Variants in RELN observed in about 807,000 individuals in gnomAD.
RELN encodes reelin.
In RELN, 108 loss-of-function variants were observed where a neutral mutation model predicts 427.6. The ratio of observed to expected loss-of-function variants is 0.25; its 90% confidence interval spans 0.22 to 0.30. RELN has a LOEUF of 0.30. Ranked by LOEUF, RELN falls within the 10% of genes least tolerant of loss-of-function variation. RELN has a pLI of 1.00. For synonymous variants in RELN, 1,524 were observed against 1,513.4 expected (o/e 1.01, Z -0.16); for missense variants, 3,715 against 4,302.8 (o/e 0.86, Z 3.82).
intron 1 of RELN, among the ~76,000 whole-genome samples, chr7:103,977,402 C>T (rs948116073): frequency 1.3e-5 from 2 of 150,868 alleles, no homozygotes; most frequent in Non-Finnish European, 2.9e-5. Context: ...GCTTCCTGTA[C>T]GAGGAGAGGT....
chr7:103,891,066 A>G (rs1169748554), intron 2 of RELN, among the ~76,000 whole-genome samples: 1 of 152,186 alleles, frequency 6.6e-6, no homozygotes, highest in Non-Finnish European at 1.5e-5. Flanking sequence ...TGAACAACAG[A>G]GCAAGACTCT....
intron 63 of RELN, 169 bp downstream of exon 63, chr7:103,482,704 C>A: frequency 1.1e-6 from 1 of 891,828 alleles, no homozygotes. Context: ...TTTGCTATTT[C>A]ACTGATGATT....
chr7:103,777,064 AT>A (rs1791762649), intron 3 of RELN, among the ~76,000 whole-genome samples: 1 of 152,182 alleles, frequency 6.6e-6, no homozygotes, highest in Non-Finnish European at 1.5e-5. Flanking sequence ...GAGACAGAGA[AT>A]TACATTTTTA....
intron 1 of RELN, among the ~76,000 whole-genome samples, chr7:103,970,656 A>T (rs1028100275): frequency 6.6e-6 from 1 of 152,192 alleles, no homozygotes; most frequent in Non-Finnish European, 1.5e-5. Context: ...TTCAACGTTA[A>T]TGAACCAACA....
chr7:103,646,880 A>T (rs1832808064), intron 16 of RELN, among the ~76,000 whole-genome samples: 1 of 152,092 alleles, frequency 6.6e-6, no homozygotes, highest in African/African-American at 2.4e-5. Context: ...ACAAAATATT[A>T]GCAAACTGAA....
intron 51 of RELN, among the ~76,000 whole-genome samples, chr7:103,506,479 T>C (rs375895014): frequency 6.6e-6 from 1 of 152,114 alleles, no homozygotes; most frequent in South Asian, 2.1e-4. Context: ...AAGCGAAGGA[T>C]AAATAAAATC....
chr7:103,877,860 T>C (rs1354331478), intron 2 of RELN, among the ~76,000 whole-genome samples: 6 of 16,206 alleles, frequency 3.7e-4, no homozygotes, highest in East Asian at 5.5e-3. Context: ...CTCCCTGCCT[T>C]TTTTTTTTTT....
At position 103,638,636 on chromosome 7, in the gene RELN, G is replaced by A. The variant is rs572528666; in HGVS notation, c.2069+1907C>T. On this transcript the variant is annotated intron_variant, in intron 17 of 64. Coordinates refer to ENST00000428762, the MANE Select transcript of RELN (RefSeq NM_005045.4). ...TAGTAGTCAAACTTTTAGCCCAGCC[G>A]TAAGCGAACAAAGCCAATGAATATT... is the stretch of plus-strand genomic sequence containing the variant. Among the ~76,000 whole-genome samples the A allele has an allele frequency of 3.2e-4, 49 of 152,272 alleles. 1 individual carries two copies. In the South Asian group the frequency reaches 8.7e-3, roughly 27 times the overall value.
chr7:103,652,808 T>A (rs1255967586), intron 13 of RELN, 49 bp from the exon 14 acceptor site: 2 of 1,553,014 alleles, frequency 1.3e-6, no homozygotes, highest in South Asian at 1.1e-5. Flanking sequence ...TCTAGGCTAG[T>A]CCATGTAAAT....
chr7:103,819,013 T>C (rs1792950853), intron 3 of RELN, among the ~76,000 whole-genome samples: 2 of 152,098 alleles, frequency 1.3e-5, no homozygotes, highest in Non-Finnish European at 2.9e-5. Flanking sequence ...TAGAGAAATA[T>C]ACCCCAAGAT....
intron 3 of RELN, among the ~76,000 whole-genome samples, chr7:103,786,060 C>T (rs1056657587): frequency 6.6e-6 from 1 of 151,818 alleles, no homozygotes; most frequent in African/African-American, 2.4e-5. Flanking sequence ...CAAAGAAATC[C>T]TGCCAAAGTA....
chr7:103,647,793 C>T (rs1832827340), intron 16 of RELN, among the ~76,000 whole-genome samples: 1 of 152,032 alleles, frequency 6.6e-6, no homozygotes, highest in Non-Finnish European at 1.5e-5. Flanking sequence ...CATTACCTCA[C>T]TTCAAATTAT....
chr7:103,833,171 C>T (rs1330119940), intron 3 of RELN, among the ~76,000 whole-genome samples: 2 of 152,178 alleles, frequency 1.3e-5, no homozygotes, highest in Non-Finnish European at 2.9e-5. Flanking sequence ...ACTATAGTCA[C>T]CATGCTGTGC....
intron 20 of RELN, among the ~76,000 whole-genome samples, chr7:103,613,334 T>C (rs1036194786): frequency 2.6e-5 from 4 of 152,240 alleles, no homozygotes; most frequent in Non-Finnish European, 4.4e-5. Context: ...TTACAGTGAA[T>C]TTACAAATCA....
Position 103,557,015 on chromosome 7 carries a change from T to C in RELN, c.5759A>G (p.Asn1920Ser). The change falls in exon 38 of 65, where the codon AAT becomes AGT. Residue 1920 changes from asparagine to serine, a missense_variant. Physicochemically the swap from Asn to Ser is conservative, Grantham distance 46 (BLOSUM62 1). Coordinates refer to ENST00000428762, the MANE Select transcript of RELN (RefSeq NM_005045.4). ...TTGCCAGAGTCTGAATCTTGTAGCA[T>C]TGGTTTGGGCAGTGTATGGCAAGGG... is the stretch of plus-strand genomic sequence containing the variant. The part of the protein sequence containing the change: ...NVPLPYTAQT[N>S]ATRFRLWQPY... 2.5e-6 allele frequency: 4 copies of C among 1,613,850 alleles called. No homozygotes were observed. Among genetic ancestry groups the C allele is most frequent in the Non-Finnish European group, 3.4e-6 (4 of 1,179,712 alleles).
intron 3 of RELN, among the ~76,000 whole-genome samples, chr7:103,811,255 T>A (rs1229125975): frequency 6.6e-5 from 10 of 152,128 alleles, no homozygotes; most frequent in Non-Finnish European, 2.9e-5. Flanking sequence ...TAAATAAAAA[T>A]AAATTGCCTG....
At chr7:103,783,254 C>T (rs111428499) in intron 3 of RELN, among the ~76,000 whole-genome samples, 1 of 150,114 alleles carries the variant, frequency 6.7e-6, no homozygotes, top group African/African-American at 2.5e-5. Flanking sequence ...CTTGCCCTCT[C>T]AAAGTGCTGG....
chr7:103,581,302 TTTTG>T (rs1375834057), intron 28 of RELN, among the ~76,000 whole-genome samples: 2 of 152,160 alleles, frequency 1.3e-5, no homozygotes, highest in Non-Finnish European at 2.9e-5. Flanking sequence ...ATTCCTTCCT[TTTTG>T]TTTATTATTA....
At chr7:103,570,255 T>C (rs973337309) in intron 31 of RELN, among the ~76,000 whole-genome samples, 2 of 152,232 alleles carry the variant, frequency 1.3e-5, no homozygotes, top group Non-Finnish European at 1.5e-5. Context: ...CTGTCTATTG[T>C]ATGATAAGCA....
Sources: allele counts gnomAD v4.1 joint callset (sites outside exome capture counted in the v4.1 genomes callset), GRCh38; gene constraint gnomAD v4.1.1; transcripts MANE v1.5; gene names NCBI Gene and HGNC (gene_info 2026-07-23, HGNC 2026-07-21).